SOX5: variants seen among roughly 807,000 people sequenced by gnomAD.
SOX5 encodes the protein transcription factor SOX-5.
Under a neutral mutation model 92.0 loss-of-function variants are expected in SOX5, and 9 were observed. The ratio of observed to expected loss-of-function variants is 0.10; its 90% confidence interval spans 0.06 to 0.17. The LOEUF (loss-of-function observed/expected upper bound fraction) is 0.17. SOX5 is among the 10% of genes least tolerant of loss of function. The pLI, the probability that SOX5 is intolerant of heterozygous loss-of-function variation, is 1.00. For missense variants in SOX5, 642 were observed against 944.5 expected, an observed-to-expected ratio of 0.68 and a Z score of 4.20; for synonymous variants, 344 against 336.3, an observed-to-expected ratio of 1.02 and a Z score of -0.25.
At chr12:24,431,897 T>G (rs1466560100) in intron 1 of SOX5, among the ~76,000 whole-genome samples, 1 of 152,138 alleles carries the variant, frequency 6.6e-6, no homozygotes. Flanking sequence ...TCTATAGGCT[T>G]TGATGACAGT....
At chr12:24,309,268 G>A (rs1320484478) in intron 2 of SOX5, among the ~76,000 whole-genome samples, 1 of 152,196 alleles carries the variant, frequency 6.6e-6, no homozygotes, top group Non-Finnish European at 1.5e-5. Context: ...GGAAGGCCTA[G>A]AATTCTATTG....
chr12:23,784,266 C>A (rs939227972), intron 3 of SOX5, among the ~76,000 whole-genome samples: 1 of 151,998 alleles, frequency 6.6e-6, no homozygotes, highest in Non-Finnish European at 1.5e-5. Context: ...ATAATAAAAT[C>A]TTGAAAATGC....
intron 8 of SOX5, among the ~76,000 whole-genome samples, chr12:23,620,240 G>A (rs892348048): frequency 2.0e-5 from 3 of 152,066 alleles, no homozygotes; most frequent in South Asian, 2.1e-4. Context: ...CCAGTGAGAC[G>A]CAGTGCAGTG....
intron 3 of SOX5, among the ~76,000 whole-genome samples, chr12:23,779,955 C>CTGTGTGTGTGTGTGTGTGTGTGTGTG (rs10686652): frequency 7.3e-6 from 1 of 136,530 alleles, no homozygotes; most frequent in African/African-American, 2.7e-5. Context: ...CACAGCGAGA[C>CTGTGTGTGTGTGTGTGTGTGTGTGTG]TGTGTGTGTG....
chr12:24,493,660 C>A (rs959600062), intron 1 of SOX5, among the ~76,000 whole-genome samples: 1 of 151,906 alleles, frequency 6.6e-6, no homozygotes, highest in Non-Finnish European at 1.5e-5. Context: ...GTCAGGAGAT[C>A]GAGACCATCC....
At chr12:24,528,722 G>A (rs1423208746) in intron 1 of SOX5, among the ~76,000 whole-genome samples, 1 of 152,154 alleles carries the variant, frequency 6.6e-6, no homozygotes, top group Non-Finnish European at 1.5e-5. Context: ...ATGTGACCTT[G>A]AAAATCTCAT....
Position 24,430,162 on chromosome 12 carries a change from G to A in SOX5, c.-250-61523C>T, listed in dbSNP as rs146441870. 3.4e-3 allele frequency among the ~76,000 whole-genome samples: 511 copies of A among 152,214 alleles called. 2 individuals are homozygous for A. Among genetic ancestry groups the A allele is most frequent in the African/African-American group, 0.012 (487 of 41,534 alleles). On this transcript the variant is annotated intron_variant, in intron 1 of 4. Transcript: ENST00000446891. ...AGAATTGAAACTGGAGAATAGACAC[G>A]ATGCTTCCTTAAAGAAAGCCTAACG...
chr12:23,603,447 T>TATATATATATATATATATAAA (rs1555193707), intron 9 of SOX5, among the ~76,000 whole-genome samples: 25,272 of 70,162 alleles, frequency 0.36, 3,648 homozygotes, highest in Middle Eastern at 0.42. Context: ...ATATATAAAA[T>TATATATATATATATATATAAA]ATATATATAT....
At chr12:23,584,698 A>G (rs1950482492) in intron 9 of SOX5, 2 of 834,254 alleles carry the variant, frequency 2.4e-6, no homozygotes, top group Admixed American at 1.9e-5. Context: ...CAAATTGTCT[A>G]AGGCACAGAA....
chr12:24,197,539 C>G (rs1014007302), intron 4 of SOX5, among the ~76,000 whole-genome samples: 13 of 152,184 alleles, frequency 8.5e-5, no homozygotes, highest in Non-Finnish European at 1.6e-4. Context: ...AAACAGCACC[C>G]TGCTTACAGC....
intron 1 of SOX5, among the ~76,000 whole-genome samples, chr12:23,912,950 A>T (rs1595589176): frequency 6.6e-6 from 1 of 152,120 alleles, no homozygotes. Context: ...AAAATACTAA[A>T]ATCTACTGAA....
chr12:23,789,215 C>T (rs1002922313), intron 3 of SOX5, among the ~76,000 whole-genome samples: 2 of 141,482 alleles, frequency 1.4e-5, no homozygotes, highest in African/African-American at 5.4e-5. Context: ...TCCTTTAATT[C>T]TGATCCTTTC....
intron 1 of SOX5, among the ~76,000 whole-genome samples, chr12:24,446,463 A>T (rs1474235157): frequency 1.3e-5 from 2 of 152,212 alleles, no homozygotes; most frequent in Non-Finnish European, 2.9e-5. Context: ...GGAACAGAAA[A>T]AATCAGCATA....
intron 3 of SOX5, among the ~76,000 whole-genome samples, chr12:24,251,444 T>A (rs1486155618): frequency 6.6e-6 from 1 of 152,178 alleles, no homozygotes; most frequent in Non-Finnish European, 1.5e-5. Flanking sequence ...ATAAAATAGG[T>A]CCCATTTGCC....
chr12:24,556,544 G>C (rs780405226), intron 1 of SOX5, among the ~76,000 whole-genome samples: 4 of 152,122 alleles, frequency 2.6e-5, no homozygotes, highest in Non-Finnish European at 5.9e-5. Flanking sequence ...TTTATCCACA[G>C]GTACTATAAC....
At chr12:24,174,023 A>G (rs922599097) in intron 4 of SOX5, among the ~76,000 whole-genome samples, 2 of 151,454 alleles carry the variant, frequency 1.3e-5, no homozygotes, top group African/African-American at 2.4e-5. Context: ...TTTCTGAGAC[A>G]GTCTCACTGT....
intron 3 of SOX5, among the ~76,000 whole-genome samples, chr12:23,775,523 C>T (rs2095070691): frequency 1.3e-5 from 2 of 152,200 alleles, no homozygotes; most frequent in Non-Finnish European, 2.9e-5. Flanking sequence ...TAATGCAATA[C>T]CATTCTGAGC....
At chr12:24,146,184 A>AT (rs150807748) in intron 4 of SOX5, among the ~76,000 whole-genome samples, 5 of 151,962 alleles carry the variant, frequency 3.3e-5, no homozygotes, top group Non-Finnish European at 4.4e-5. Context: ...AGCAGCATAT[A>AT]TTTTTTTTCT....
At chr12:23,569,480 T>C (rs1308567267) in intron 10 of SOX5, among the ~76,000 whole-genome samples, 1 of 152,210 alleles carries the variant, frequency 6.6e-6, no homozygotes, top group East Asian at 1.9e-4. Flanking sequence ...CTGGAACTTT[T>C]GAAACTCTTT....
Sources: allele counts gnomAD v4.1 joint callset (sites outside exome capture counted in the v4.1 genomes callset), GRCh38; gene constraint gnomAD v4.1.1; transcripts MANE v1.5; gene names NCBI Gene and HGNC (gene_info 2026-07-23, HGNC 2026-07-21).